The following PDZRN4 variants were observed in gnomAD, a reference collection of about 807,000 sequenced individuals.
PDZRN4 encodes PDZ domain-containing RING finger protein 4.
Under a neutral mutation model 99.0 loss-of-function variants are expected in PDZRN4, and 70 were observed. The observed-to-expected ratio is 0.71, with a 90% CI of 0.58 to 0.86. The LOEUF (loss-of-function observed/expected upper bound fraction) is 0.86. Among genes scored for constraint, PDZRN4 ranks in the 40% least tolerant of loss-of-function variants. The pLI, the probability that PDZRN4 is intolerant of heterozygous loss-of-function variation, is 0.00. For synonymous variants in PDZRN4, 551 were observed against 501.6 expected, an observed-to-expected ratio of 1.10 and a Z score of -1.32; for missense variants, 1,474 against 1,331.2, an observed-to-expected ratio of 1.11 and a Z score of -1.67.
chr12:41,428,421 CA>C (rs1183722550), intron 3 of PDZRN4, among the ~76,000 whole-genome samples: 8 of 152,084 alleles, frequency 5.3e-5, no homozygotes, highest in Non-Finnish European at 7.3e-5. Context: ...CCTTGACTAC[CA>C]TTATAATGAC....
intron 5 of PDZRN4, among the ~76,000 whole-genome samples, chr12:41,517,576 C>T (rs879558574): frequency 1.3e-5 from 2 of 152,034 alleles, no homozygotes; most frequent in Non-Finnish European, 2.9e-5. Context: ...TGGAAGGAAA[C>T]AGACTAGGAG....
At chr12:41,222,557 C>T (rs747271714) in intron 3 of PDZRN4, among the ~76,000 whole-genome samples, 3 of 152,072 alleles carry the variant, frequency 2.0e-5, no homozygotes, top group Non-Finnish European at 4.4e-5. Flanking sequence ...CTCACTCTGT[C>T]GCCCAGGCTG....
chr12:41,517,021 G>T (rs888941442), intron 5 of PDZRN4, among the ~76,000 whole-genome samples: 2 of 151,886 alleles, frequency 1.3e-5, no homozygotes, highest in Admixed American at 6.6e-5. Flanking sequence ...CACAAAGTTG[G>T]CAACAGTTAC....
chr12:41,261,766 G>C (rs1951241783), intron 3 of PDZRN4, among the ~76,000 whole-genome samples: 1 of 152,176 alleles, frequency 6.6e-6, no homozygotes, highest in African/African-American at 2.4e-5. Context: ...TAGGATTACA[G>C]GCGTGAGCCA....
intron 1 of PDZRN4, among the ~76,000 whole-genome samples, 190 bp downstream of exon 1, chr12:41,189,293 T>C (rs907828587): frequency 1.3e-5 from 2 of 152,098 alleles, no homozygotes; most frequent in African/African-American, 4.8e-5. Flanking sequence ...TTAAGGATTG[T>C]CCCTTTTCTG....
At chr12:41,254,711 G>A (rs984820555) in intron 3 of PDZRN4, among the ~76,000 whole-genome samples, 4 of 152,238 alleles carry the variant, frequency 2.6e-5, no homozygotes, top group Non-Finnish European at 5.9e-5. Flanking sequence ...TGTGCAATGA[G>A]TGAGTCACAG....
chr12:41,423,631 C>A (rs747669731), intron 3 of PDZRN4, among the ~76,000 whole-genome samples: 5 of 152,116 alleles, frequency 3.3e-5, no homozygotes, highest in Non-Finnish European at 5.9e-5. Context: ...TGCCCAACTT[C>A]TGGTGTTAAT....
Position 41,543,342 on chromosome 12 carries a change from T to A in PDZRN4, c.1204-9314T>A, listed in dbSNP as rs149144283. Among the ~76,000 whole-genome samples, 788 of 151,574 alleles carry A rather than the reference T, an allele frequency of 5.2e-3. 1 individual carries two copies. Among genetic ancestry groups the A allele is most frequent in the Middle Eastern group, 0.014 (4 of 294 alleles). On this transcript the variant is annotated intron_variant, in intron 5 of 9. Transcript: ENST00000402685. Reference sequence around the variant, plus strand: ...CAGAATTAAAAAGTGTGTGTGTGTGTGAGAGAGAGAGAGAGATCTGTGTTC... The same window carrying A: ...CAGAATTAAAAAGTGTGTGTGTGTGAGAGAGAGAGAGAGAGATCTGTGTTC...
At position 41,194,397 on chromosome 12, in the gene PDZRN4, G is replaced by A. The variant is rs562426115; in HGVS notation, c.843+209G>A. 3.9e-5 allele frequency among the ~76,000 whole-genome samples: 6 copies of A among 152,286 alleles called. No individual in the cohort carries two copies. In the East Asian group the frequency reaches 1.2e-3, roughly 29 times the overall value. ...TGCCTATAATCCCAGCACTTTTGGT[G>A]GCTGAGGCAGGAGCATCACGTGAGC... On this transcript the variant is annotated intron_variant, in intron 3 of 9. Coordinates refer to ENST00000402685, the MANE Select transcript of PDZRN4 (RefSeq NM_001164595.2).
chr12:41,317,062 A>ATATATATATATATATATATG (rs1317029215), intron 3 of PDZRN4, among the ~76,000 whole-genome samples: 5 of 140,738 alleles, frequency 3.6e-5, no homozygotes, highest in Non-Finnish European at 7.9e-5. Context: ...ATATATATAT[A>ATATATATATATATATATATG]TATATATATA....
At chr12:41,418,407 T>C (rs1441262095) in intron 3 of PDZRN4, among the ~76,000 whole-genome samples, 1 of 152,140 alleles carries the variant, frequency 6.6e-6, no homozygotes, top group Non-Finnish European at 1.5e-5. Flanking sequence ...GGCATTCCAG[T>C]TTACATCAAA....
At chr12:41,519,952 T>C (rs975513735) in intron 5 of PDZRN4, among the ~76,000 whole-genome samples, 45 of 152,026 alleles carry the variant, frequency 3.0e-4, no homozygotes, top group Non-Finnish European at 1.2e-4. Context: ...TGTGCTCACC[T>C]CCCACTAATC....
chr12:41,533,540 T>A (rs1309502670), intron 5 of PDZRN4, among the ~76,000 whole-genome samples: 1 of 152,216 alleles, frequency 6.6e-6, no homozygotes, highest in Non-Finnish European at 1.5e-5. Context: ...TCCAAAAGTA[T>A]TTTTTATTTG....
intron 3 of PDZRN4, among the ~76,000 whole-genome samples, chr12:41,252,389 C>G (rs564325273): frequency 6.6e-6 from 1 of 152,252 alleles, no homozygotes; most frequent in African/African-American, 2.4e-5. Context: ...GAGGCAAATT[C>G]TAAATGTTAT....
chr12:41,197,238 T>C (rs2120651132), intron 3 of PDZRN4, among the ~76,000 whole-genome samples: 1 of 152,242 alleles, frequency 6.6e-6, no homozygotes, highest in East Asian at 1.9e-4. Context: ...TTTTGTTCTG[T>C]TGGTGGTTAA....
intron 3 of PDZRN4, chr12:41,409,365 G>A (rs1023080633): frequency 2.0e-5 from 3 of 152,194 alleles, no homozygotes; most frequent in South Asian, 4.1e-4. Flanking sequence ...AGAAAACAAG[G>A]TATCTATCCT....
At chr12:41,401,710 G>A (rs1952290019) in intron 3 of PDZRN4, among the ~76,000 whole-genome samples, 1 of 152,020 alleles carries the variant, frequency 6.6e-6, no homozygotes, top group African/African-American at 2.4e-5. Context: ...GGTATTGGCA[G>A]AATCTTTCCT....
At chr12:41,401,065 T>G (rs2121140055) in intron 3 of PDZRN4, among the ~76,000 whole-genome samples, 1 of 152,342 alleles carries the variant, frequency 6.6e-6, no homozygotes, top group East Asian at 1.9e-4. Context: ...AAGAGGTGAC[T>G]AATCATAATG....
intron 3 of PDZRN4, among the ~76,000 whole-genome samples, chr12:41,278,280 C>A (rs1004186695): frequency 9.2e-5 from 14 of 152,164 alleles, no homozygotes; most frequent in Non-Finnish European, 2.1e-4. Flanking sequence ...AACATAGACA[C>A]AAGATACCAG....
Sources: gnomAD v4.1 joint callset for allele counts (sites outside exome capture counted in the v4.1 genomes callset) on GRCh38, gnomAD v4.1.1 for gene constraint, MANE v1.5 for transcripts, NCBI Gene and HGNC (gene_info 2026-07-23, HGNC 2026-07-21) for gene names.